The following MUC22 variants were observed in gnomAD, a reference collection of about 807,000 sequenced individuals.
The protein encoded by MUC22 is mucin-22.
A neutral mutation model predicts 40.3 loss-of-function variants in MUC22; 24 were observed. That is an observed-to-expected ratio of 0.60 (90% CI 0.43 to 0.84). MUC22 has a LOEUF of 0.84. Among genes scored for constraint, MUC22 ranks in the 40% least tolerant of loss-of-function variants. The pLI is 0.00. For missense variants in MUC22, 1,926 were observed against 2,130.7 expected, an observed-to-expected ratio of 0.90 and a Z score of 1.89; for synonymous variants, 765 against 844.5, an observed-to-expected ratio of 0.91 and a Z score of 1.63.
At chr6:31,028,992 A>G (rs963410722) in exon 2 of MUC22, 65 of 1,533,058 alleles carry the variant, frequency 4.2e-5, no homozygotes, top group Middle Eastern at 1.7e-4. Flanking sequence ...AGACCACCAC[A>G]GCCTCTACTG....
chr6:31,013,072 TC>T (rs1174792191), intron 1 of MUC22, among the ~76,000 whole-genome samples: 1 of 149,070 alleles, frequency 6.7e-6, no homozygotes, highest in Non-Finnish European at 1.5e-5. Flanking sequence ...CATCCTAACG[TC>T]CCCGCATCAC....
intron 3 of MUC22, among the ~76,000 whole-genome samples, 191 bp from the exon 4 acceptor site, chr6:31,034,481 C>T (rs542248503): frequency 1.1e-4 from 16 of 151,706 alleles, no homozygotes; most frequent in South Asian, 4.2e-4. Flanking sequence ...TTTTGTCAGA[C>T]GGAGAAAGAG....
At chr6:31,012,300 G>T (rs573236758) in intron 1 of MUC22, among the ~76,000 whole-genome samples, 1 of 152,148 alleles carries the variant, frequency 6.6e-6, no homozygotes, top group African/African-American at 2.4e-5. Flanking sequence ...TCGCTCCCTC[G>T]CCCGCTTCAG....
chr6:31,009,975 G>A (rs902447600), upstream of MUC22, among the ~76,000 whole-genome samples: 4 of 152,252 alleles, frequency 2.6e-5, no homozygotes, highest in Admixed American at 1.3e-4. Flanking sequence ...GGAGTGGAGT[G>A]TATCACTCAC....
At chr6:31,022,280 C>G (rs9394029) in intron 1 of MUC22, among the ~76,000 whole-genome samples, 17,916 of 152,134 alleles carry the variant, frequency 0.12, 1,277 homozygotes, top group East Asian at 0.33. Flanking sequence ...GCCTCAGCTT[C>G]TCGAGTAGCT....
intron 1 of MUC22, among the ~76,000 whole-genome samples, chr6:31,022,582 A>G (rs1764943395): frequency 6.6e-6 from 1 of 152,144 alleles, no homozygotes; most frequent in African/African-American, 2.4e-5. Flanking sequence ...TTTAAATTTT[A>G]AAAGATAATA....
chr6:31,026,924 T>C (rs1765433869), exon 2 of MUC22: 3 of 1,494,124 alleles, frequency 2.0e-6, no homozygotes, highest in Non-Finnish European at 2.7e-6. Flanking sequence ...GAGACCACAG[T>C]CTCCACTGCA....
intron 1 of MUC22, among the ~76,000 whole-genome samples, chr6:31,022,917 G>A (rs28744235): frequency 0.061 from 9,217 of 151,796 alleles, 345 homozygotes; most frequent in South Asian, 0.12. Context: ...ATCACTTGAG[G>A]CCAGGAGTTA....
chr6:31,032,612 C>T lies in MUC22; in HGVS notation c.5055+31C>T. ...TACCCAGGGTGGGTTCATAGGGGAG[C>T]CTGGCAAGAAGGCAGGGGGGAATCA... On this transcript the variant is annotated intron_variant, in intron 3 of 3. Coordinates refer to ENST00000561890, the Ensembl canonical transcript of MUC22. The surrounding 1 kb of genome is among the most constrained non-coding windows in gnomAD (Gnocchi z 4.1). 1 of 1,506,026 alleles carries T rather than the reference C, an allele frequency of 6.6e-7. No homozygotes were observed. The highest frequency in any genetic ancestry group is 8.8e-7 in the Non-Finnish European group (1 of 1,130,574). 93.3% of individuals were successfully genotyped at this position (1,506,026 alleles called of 1,614,324 possible).
At chr6:31,022,446 C>T (rs956315814) in intron 1 of MUC22, among the ~76,000 whole-genome samples, 1 of 150,840 alleles carries the variant, frequency 6.6e-6, no homozygotes, top group Non-Finnish European at 1.5e-5. Context: ...CGTGAATCGA[C>T]AGGCAAGACT....
At chr6:31,025,221 G>A (rs540297179) in intron 1 of MUC22, among the ~76,000 whole-genome samples, 2 of 152,252 alleles carry the variant, frequency 1.3e-5, no homozygotes, top group African/African-American at 4.8e-5. Flanking sequence ...TCTGACTCCA[G>A]TATCTAAAGC....
At chr6:31,033,826 A>G (rs1307384690) in intron 3 of MUC22, among the ~76,000 whole-genome samples, 1 of 152,264 alleles carries the variant, frequency 6.6e-6, no homozygotes, top group Admixed American at 6.5e-5. Flanking sequence ...GTAAAAATGG[A>G]CAAAATGAAA....
At chr6:31,035,052 A>T in exon 4 of MUC22, 2 of 1,093,148 alleles carry the variant, frequency 1.8e-6, no homozygotes, top group Non-Finnish European at 2.5e-6. Flanking sequence ...GGGGTCATGG[A>T]GGAGAAAAAA....
At chr6:31,030,872 A>G (rs1766011706) in intron 2 of MUC22, among the ~76,000 whole-genome samples, 1 of 152,234 alleles carries the variant, frequency 6.6e-6, no homozygotes, top group African/African-American at 2.4e-5. Context: ...TTACTGGAAC[A>G]TAGTCATGCC....
At chr6:31,019,468 G>A (rs1410314579) in intron 1 of MUC22, among the ~76,000 whole-genome samples, 1 of 152,192 alleles carries the variant, frequency 6.6e-6, no homozygotes, top group Non-Finnish European at 1.5e-5. Flanking sequence ...CTTCCTGAAT[G>A]ATTAAGCCCC....
At chr6:31,025,998 T>C (rs557290265) in exon 2 of MUC22, 18 of 1,531,814 alleles carry the variant, frequency 1.2e-5, no homozygotes, top group Admixed American at 2.0e-5. Context: ...CCACAGTCTC[T>C]ACCACAGGCT....
intron 2 of MUC22, among the ~76,000 whole-genome samples, chr6:31,030,547 A>G (rs1231623782): frequency 6.7e-6 from 1 of 148,270 alleles, no homozygotes; most frequent in East Asian, 2.0e-4. Flanking sequence ...CCTCTTCTGG[A>G]ATCCTAATTG....
intron 1 of MUC22, 130 bp from the exon 2 acceptor site, chr6:31,025,372 A>AATG: frequency 9.4e-7 from 1 of 1,065,814 alleles, no homozygotes; most frequent in Non-Finnish European, 1.3e-6. Context: ...TACCAGGTAC[A>AATG]TGTTAAGCCC....
At chr6:31,006,777 A>T (rs1236192797), upstream of MUC22, among the ~76,000 whole-genome samples, 1 of 152,182 alleles carries the variant, frequency 6.6e-6, no homozygotes, top group Non-Finnish European at 1.5e-5. Flanking sequence ...AGTAAAATGG[A>T]ACTATAAGTT....
Sources: gnomAD v4.1 joint callset for allele counts (sites outside exome capture counted in the v4.1 genomes callset) on GRCh38, gnomAD v4.1.1 for gene constraint, Gnocchi (gnomAD v3.1) non-coding constraint, MANE v1.5 for transcripts, NCBI Gene and HGNC (gene_info 2026-07-23, HGNC 2026-07-21) for gene names.